Variants in RELN observed in about 807,000 individuals in gnomAD.
The protein encoded by RELN is reelin.
A neutral mutation model predicts 427.6 loss-of-function variants in RELN; 108 were observed. That is an observed-to-expected ratio of 0.25 (90% CI 0.22 to 0.30). The LOEUF (loss-of-function observed/expected upper bound fraction) is 0.30, where lower values mean the gene tolerates loss of function less well. Among genes scored for constraint, RELN ranks in the 10% least tolerant of loss-of-function variants. The pLI is 1.00. For synonymous variants in RELN, 1,524 were observed against 1,513.4 expected (o/e 1.01, Z -0.16); for missense variants, 3,715 against 4,302.8 (o/e 0.86, Z 3.82).
intron 20 of RELN, among the ~76,000 whole-genome samples, chr7:103,614,608 C>G (rs1367029016): frequency 6.7e-6 from 1 of 150,148 alleles, no homozygotes; most frequent in African/African-American, 2.5e-5. Context: ...CCTGGGTCCC[C>G]AGTGTCCTTG....
Position 103,515,259 on chromosome 7 carries a change from T to C in RELN, c.8045A>G (p.His2682Arg), listed in dbSNP as rs755833858. The C allele has an allele frequency of 6.2e-7, 1 of 1,614,108 alleles. No homozygotes were observed. Among genetic ancestry groups the C allele is most frequent in the Non-Finnish European group, 8.5e-7 (1 of 1,179,968 alleles). ...GCCGGCATCTGCAGGGGAGCGCTCA[T>C]GCTGGGGTACTGGGGCGCTGCTGAA... ...DTFSSAPVPQHERSPADAGPV... is the reference protein window; with the variant it reads ...DTFSSAPVPQRERSPADAGPV... Residue 2682 changes from histidine to arginine, a missense_variant, in exon 50 of 65, where the codon CAT (histidine) becomes CGT (arginine). Physicochemically the swap from His to Arg is conservative, Grantham distance 29. Transcript: ENST00000428762.
intron 2 of RELN, among the ~76,000 whole-genome samples, chr7:103,912,360 A>G (rs569443231): frequency 6.6e-6 from 1 of 151,922 alleles, no homozygotes; most frequent in South Asian, 2.1e-4. Context: ...AATTTTTTGT[A>G]TTTTTAGTAG....
chr7:103,717,491 A>AT (rs398005661), intron 8 of RELN, among the ~76,000 whole-genome samples: 1,982 of 150,674 alleles, frequency 0.013, 43 homozygotes, highest in African/African-American at 0.045. Context: ...AAAAAAAAAA[A>AT]TTTGTTTTAA....
chr7:103,548,809 A>C (rs1451875709), intron 41 of RELN, among the ~76,000 whole-genome samples: 5 of 152,128 alleles, frequency 3.3e-5, no homozygotes, highest in Admixed American at 3.3e-4. Flanking sequence ...GGGCATTACC[A>C]ATGCTGAGCG....
At chr7:103,764,728 C>G (rs541026469) in intron 4 of RELN, among the ~76,000 whole-genome samples, 1 of 148,274 alleles carries the variant, frequency 6.7e-6, no homozygotes, top group African/African-American at 2.5e-5. Context: ...CCCAACTACT[C>G]GGGAGGCTGA....
intron 3 of RELN, among the ~76,000 whole-genome samples, chr7:103,798,160 T>C (rs1792355757): frequency 6.6e-6 from 1 of 152,152 alleles, no homozygotes; most frequent in Non-Finnish European, 1.5e-5. Context: ...TCTGGAGCAG[T>C]TATGTTACTG....
At chr7:103,677,337 C>T (rs1833554287) in intron 11 of RELN, among the ~76,000 whole-genome samples, 1 of 150,786 alleles carries the variant, frequency 6.6e-6, no homozygotes, top group African/African-American at 2.4e-5. Flanking sequence ...GTGCAGCAAA[C>T]CACCATGGCA....
chr7:103,871,111 T>G (rs1014536789), intron 2 of RELN, among the ~76,000 whole-genome samples: 1 of 152,080 alleles, frequency 6.6e-6, no homozygotes, highest in African/African-American at 2.4e-5. Flanking sequence ...TAAGATTGAT[T>G]ATGGTGGGTT....
chr7:103,866,078 G>T (rs1794190369), intron 2 of RELN, among the ~76,000 whole-genome samples: 2 of 151,854 alleles, frequency 1.3e-5, no homozygotes, highest in Non-Finnish European at 2.9e-5. Flanking sequence ...GGATCAAATG[G>T]GATAATGCCA....
chr7:103,569,760 A>G lies in RELN; in HGVS notation c.4588+2424T>C, dbSNP rs113633671. ...AGGAATGCAAGAAAGGCAAAGAGCA[A>G]TATACATATCTCATATCACTTGCTG... is the stretch of plus-strand genomic sequence containing the variant. On this transcript the variant is annotated intron_variant, in intron 31 of 64. Coordinates refer to ENST00000428762, the MANE Select transcript of RELN (RefSeq NM_005045.4). This position sits in a 1 kb window ranked among gnomAD's most constrained non-coding sequence, Gnocchi z 4.0. Among the ~76,000 whole-genome samples, 1,763 of 152,328 alleles carry G rather than the reference A, an allele frequency of 0.012. 35 individuals carry two copies. The highest frequency in any genetic ancestry group is 0.04 in the African/African-American group (1,679 of 41,568).
intron 3 of RELN, among the ~76,000 whole-genome samples, chr7:103,799,210 C>T (rs1161146054): frequency 6.6e-6 from 1 of 152,028 alleles, no homozygotes; most frequent in East Asian, 1.9e-4. Flanking sequence ...TTTGTACTTC[C>T]AGGTCTCTTC....
chr7:103,605,247 G>A (rs1242053654), intron 22 of RELN, among the ~76,000 whole-genome samples: 1 of 152,146 alleles, frequency 6.6e-6, no homozygotes, highest in Non-Finnish European at 1.5e-5. Flanking sequence ...TAAGACAAAA[G>A]TTTTGTTTGG....
chr7:103,635,337 T>C, intron 19 of RELN, 88 bp downstream of exon 19: 4 of 1,457,988 alleles, frequency 2.7e-6, no homozygotes, highest in Non-Finnish European at 1.9e-6. Context: ...AATGGAAAAA[T>C]ATCTAGAATT....
chr7:103,708,590 A>G (rs868808098), intron 8 of RELN, among the ~76,000 whole-genome samples: 15 of 151,022 alleles, frequency 9.9e-5, no homozygotes, highest in Admixed American at 9.2e-4. Context: ...CAGCCTCCCA[A>G]GTAGCTGGGA....
At chr7:103,678,575 T>C (rs139052890) in intron 11 of RELN, among the ~76,000 whole-genome samples, 1 of 152,250 alleles carries the variant, frequency 6.6e-6, no homozygotes, top group East Asian at 1.9e-4. Flanking sequence ...AAAATATGGA[T>C]AATTGGGAAA....
At chr7:103,529,476 C>A (rs1025150240) in intron 46 of RELN, among the ~76,000 whole-genome samples, 3 of 151,606 alleles carry the variant, frequency 2.0e-5, no homozygotes, top group African/African-American at 7.3e-5. Context: ...GGGTTACCTG[C>A]CCTTCCACTG....
At chr7:103,655,982 C>T (rs752236849) in intron 12 of RELN, among the ~76,000 whole-genome samples, 5 of 152,044 alleles carry the variant, frequency 3.3e-5, no homozygotes, top group Non-Finnish European at 5.9e-5. Context: ...CTCCTCTGAG[C>T]TTAGAGCATG....
intron 10 of RELN, among the ~76,000 whole-genome samples, chr7:103,689,764 C>T (rs12538423): frequency 0.25 from 37,493 of 152,072 alleles, 5,471 homozygotes; most frequent in East Asian, 0.43. Context: ...TTCTCTGCGA[C>T]GTGCTTCACT....
chr7:103,973,973 T>C (rs778881868), intron 1 of RELN, among the ~76,000 whole-genome samples: 2 of 152,050 alleles, frequency 1.3e-5, no homozygotes, highest in African/African-American at 4.8e-5. Context: ...TGAAACCCCA[T>C]CTCTACTAAA....
Sources: gnomAD v4.1 joint callset for allele counts (sites outside exome capture counted in the v4.1 genomes callset) on GRCh38, gnomAD v4.1.1 for gene constraint, Gnocchi (gnomAD v3.1) non-coding constraint, MANE v1.5 for transcripts, NCBI Gene and HGNC (gene_info 2026-07-23, HGNC 2026-07-21) for gene names.